Variants in UST observed in about 807,000 individuals in gnomAD.
The protein encoded by UST is chondroitin sulfate 2-O-sulfotransferase.
A neutral mutation model predicts 45.6 loss-of-function variants in UST; 21 were observed. That is an observed-to-expected ratio of 0.46 (90% CI 0.33 to 0.66). UST has a LOEUF of 0.66. UST is among the 30% of genes least tolerant of loss of function. UST has a pLI of 0.02. For missense variants in UST, 463 were observed against 512.4 expected (o/e 0.90, Z 0.93); for synonymous variants, 215 against 200.6 (o/e 1.07, Z -0.61).
chr6:149,016,634 G>C (rs1170569985), intron 5 of UST, among the ~76,000 whole-genome samples: 1 of 152,196 alleles, frequency 6.6e-6, no homozygotes, highest in East Asian at 1.9e-4. Flanking sequence ...GGGCAGCTCT[G>C]GAGAAGCAGC....
intron 1 of UST, among the ~76,000 whole-genome samples, chr6:148,850,644 G>A (rs1480425005): frequency 6.6e-6 from 1 of 152,202 alleles, no homozygotes; most frequent in Non-Finnish European, 1.5e-5. Context: ...ATGGATGGAG[G>A]TCTGTGAAGT....
intron 1 of UST, among the ~76,000 whole-genome samples, chr6:148,770,615 T>C (rs529396607): frequency 2.0e-5 from 3 of 152,284 alleles, no homozygotes; most frequent in Non-Finnish European, 2.9e-5. Context: ...GCTGAAGCCA[T>C]GAGAGAGCCT....
chr6:148,926,618 A>G (rs914636859), intron 2 of UST, among the ~76,000 whole-genome samples: 1 of 152,228 alleles, frequency 6.6e-6, no homozygotes, highest in Non-Finnish European at 1.5e-5. Context: ...AGGGAGGAGA[A>G]TAGAATGGAA....
intron 5 of UST, among the ~76,000 whole-genome samples, chr6:148,995,642 C>T (rs1934224): frequency 0.67 from 102,639 of 152,198 alleles, 35,245 homozygotes; most frequent in African/African-American, 0.79. Context: ...GACTTGCCGA[C>T]GTGTTTTGTT....
intron 4 of UST, among the ~76,000 whole-genome samples, chr6:148,954,200 C>CT (rs1476725794): frequency 6.6e-6 from 1 of 152,132 alleles, no homozygotes; most frequent in African/African-American, 2.4e-5. Flanking sequence ...CCTAATAGCT[C>CT]TTTTTTAAAA....
At chr6:148,953,509 G>A (rs150962833) in intron 3 of UST, among the ~76,000 whole-genome samples, 618 of 152,266 alleles carry the variant, frequency 4.1e-3, no homozygotes, top group Admixed American at 5.9e-3. Context: ...TTGGCCAGGC[G>A]CGGAGGCTCA....
At chr6:149,058,344 CATGTGTGT>C (rs1354488171) in intron 7 of UST, among the ~76,000 whole-genome samples, 4,184 of 126,716 alleles carry the variant, frequency 0.033, 85 homozygotes, top group Non-Finnish European at 0.043. Flanking sequence ...AAAGGAGGAG[CATGTGTGT>C]GTGTGTGTGT....
chr6:148,869,324 G>A (rs749209285), intron 1 of UST, among the ~76,000 whole-genome samples: 4 of 152,148 alleles, frequency 2.6e-5, no homozygotes, highest in Non-Finnish European at 5.9e-5. Flanking sequence ...TCCTATTAAA[G>A]CTGATGTGAA....
intron 5 of UST, among the ~76,000 whole-genome samples, chr6:148,974,889 C>G (rs1021880319): frequency 7.2e-5 from 11 of 152,204 alleles, no homozygotes; most frequent in Admixed American, 3.9e-4. Context: ...ACTGGTTTGA[C>G]TTTTATAGTA....
chr6:149,036,255 C>T (rs1340547091), intron 7 of UST, among the ~76,000 whole-genome samples: 1 of 152,188 alleles, frequency 6.6e-6, no homozygotes, highest in Non-Finnish European at 1.5e-5. Context: ...GTCGGGGACA[C>T]CCAGTGGTAC....
chr6:148,810,575 C>G (rs12525295), intron 1 of UST, among the ~76,000 whole-genome samples: 40,723 of 152,006 alleles, frequency 0.27, 5,633 homozygotes, highest in African/African-American at 0.34. Flanking sequence ...CTATTTGGCT[C>G]TGTTTGAACC....
chr6:149,073,992 CT>C lies in UST; in HGVS notation c.1098del (p.His367ThrfsTer7). 1 of 1,614,200 alleles carries C rather than the reference CT, an allele frequency of 6.2e-7. No homozygotes were observed. Among genetic ancestry groups the C allele is most frequent in the African/African-American group, 1.3e-5 (1 of 75,040 alleles). On this transcript the variant is annotated frameshift_variant, in exon 8 of 8. Coordinates refer to ENST00000367463, the MANE Select transcript of UST (RefSeq NM_005715.3). LOFTEE classifies it high-confidence loss of function. ...CTGAAGCGCAAGTTTGGACTTAAGT[CT>C]CACGTCAGCAAGCCCCCCCTGAGGC... ...HLLKRKFGLK[S>X]HVSKPPLRPH... is the part of the protein sequence containing the mutation.
intron 5 of UST, among the ~76,000 whole-genome samples, chr6:149,010,912 A>AG (rs1775798091): frequency 8.7e-6 from 1 of 114,882 alleles, no homozygotes; most frequent in African/African-American, 3.0e-5. Context: ...AAAAAAAAAA[A>AG]AAAAAAACTG....
chr6:149,008,786 T>C (rs1775756754), intron 5 of UST, among the ~76,000 whole-genome samples: 1 of 152,224 alleles, frequency 6.6e-6, no homozygotes, highest in African/African-American at 2.4e-5. Flanking sequence ...CAGCCGTCTA[T>C]TGGGTGAAAA....
At chr6:148,811,312 T>G (rs919527139) in intron 1 of UST, among the ~76,000 whole-genome samples, 3 of 151,846 alleles carry the variant, frequency 2.0e-5, no homozygotes, top group African/African-American at 7.3e-5. Flanking sequence ...ATTATGAGAG[T>G]GGAAAGGCAG....
chr6:148,916,257 A>G (rs576124442), intron 2 of UST, among the ~76,000 whole-genome samples: 1 of 152,280 alleles, frequency 6.6e-6, no homozygotes, highest in East Asian at 1.9e-4. Context: ...AGGCACAGAG[A>G]GGTTAAGTAA....
In UST at chr6:149,010,913, A is replaced by AAAAAAAAAAAAAAAAAAAAAAAAAC. The variant is rs755674810; in HGVS notation, c.682-8220_682-8219insAAAAAAAAAAAAAAAAAACAAAAAA. ...TCTCAACCAAAAAAAAAAAAAAAAA[A>AAAAAAAAAAAAAAAAAAAAAAAAAC]AAAAAACTGTGACTATTTATTTGTC... On this transcript the variant is annotated intron_variant, in intron 5 of 7. Transcript: ENST00000367463. Among the ~76,000 whole-genome samples, 30 of 92,998 alleles carry AAAAAAAAAAAAAAAAAAAAAAAAAC rather than the reference A, an allele frequency of 3.2e-4. 2 individuals carry two copies. Among genetic ancestry groups the AAAAAAAAAAAAAAAAAAAAAAAAAC allele is most frequent in the African/African-American group, 1.1e-3 (25 of 22,940 alleles). The allele number at this position is 92,998 out of a possible 152,430, so 61.0% of individuals were successfully genotyped here.
chr6:148,891,346 A>G (rs1036443329), intron 2 of UST, among the ~76,000 whole-genome samples: 1 of 152,286 alleles, frequency 6.6e-6, no homozygotes, highest in Middle Eastern at 3.4e-3. Flanking sequence ...TTTCATATAC[A>G]TTGACATCCC....
At chr6:148,803,734 G>A (rs1777095497) in intron 1 of UST, among the ~76,000 whole-genome samples, 1 of 152,192 alleles carries the variant, frequency 6.6e-6, no homozygotes, top group Admixed American at 6.5e-5. Context: ...TGGCTGAGGA[G>A]GCCCTACCTG....
Sources: allele counts gnomAD v4.1 joint callset (sites outside exome capture counted in the v4.1 genomes callset), GRCh38; gene constraint gnomAD v4.1.1; transcripts MANE v1.5; gene names NCBI Gene and HGNC (gene_info 2026-07-23, HGNC 2026-07-21).